The following SHISA6 variants were observed in gnomAD, a reference collection of about 807,000 sequenced individuals.
The protein encoded by SHISA6 is shisa family member 6.
SHISA6 carries 22 observed loss-of-function variants against 47.9 expected under a neutral mutation model. The ratio of observed to expected loss-of-function variants is 0.46; its 90% CI spans 0.33 to 0.66. The LOEUF (loss-of-function observed/expected upper bound fraction) is 0.66. Ranked by LOEUF, SHISA6 falls within the 30% of genes least tolerant of loss-of-function variation. The pLI, the probability that SHISA6 is intolerant of heterozygous loss-of-function variation, is 0.02. For missense variants in SHISA6, 680 were observed against 764.6 expected, an observed-to-expected ratio of 0.89 and a Z score of 1.30; for synonymous variants, 388 against 337.8, an observed-to-expected ratio of 1.15 and a Z score of -1.63.
chr17:11,526,297 T>G (rs1207067876), intron 3 of SHISA6, among the ~76,000 whole-genome samples: 5 of 152,184 alleles, frequency 3.3e-5, no homozygotes, highest in Non-Finnish European at 5.9e-5. Flanking sequence ...TCCTCTGTTT[T>G]GTAATAAACA....
chr17:11,380,547 C>T (rs1161736183), intron 3 of SHISA6: 1 of 152,168 alleles, frequency 6.6e-6, no homozygotes, highest in East Asian at 1.9e-4. Context: ...CACATTTACT[C>T]ACTAAAAGAT....
At chr17:11,411,483 G>A (rs553283202) in intron 3 of SHISA6, among the ~76,000 whole-genome samples, 19 of 151,964 alleles carry the variant, frequency 1.3e-4, no homozygotes, top group African/African-American at 2.7e-4. Context: ...TGCAACCTCC[G>A]CCTCCCAGGT....
intron 3 of SHISA6, among the ~76,000 whole-genome samples, chr17:11,395,428 A>G (rs1285591908): frequency 6.6e-6 from 1 of 151,082 alleles, no homozygotes; most frequent in Non-Finnish European, 1.5e-5. Context: ...ATATTCTGCT[A>G]CCTTACTGAT....
chr17:11,356,015 T>C (rs1316290455), intron 2 of SHISA6, among the ~76,000 whole-genome samples: 1 of 152,224 alleles, frequency 6.6e-6, no homozygotes, highest in Non-Finnish European at 1.5e-5. Flanking sequence ...GCAGAAAGAA[T>C]GGTCCAAATC....
chr17:11,274,108 C>T (rs954541802), intron 2 of SHISA6, among the ~76,000 whole-genome samples: 26 of 152,280 alleles, frequency 1.7e-4, no homozygotes, highest in African/African-American at 5.8e-4. Flanking sequence ...CTTAGGGCTT[C>T]GTCCTGCCTG....
At chr17:11,491,023 G>A (rs1916462422) in intron 3 of SHISA6, among the ~76,000 whole-genome samples, 1 of 152,196 alleles carries the variant, frequency 6.6e-6, no homozygotes, top group African/African-American at 2.4e-5. Flanking sequence ...AGGAGGAAAT[G>A]AGACCCTTCA....
chr17:11,319,066 C>A (rs914022277), intron 2 of SHISA6, among the ~76,000 whole-genome samples: 1 of 129,486 alleles, frequency 7.7e-6, no homozygotes, highest in African/African-American at 2.9e-5. Context: ...ACCTGTATTT[C>A]TTCTTATGTT....
chr17:11,279,199 C>T (rs1291132608), intron 2 of SHISA6, among the ~76,000 whole-genome samples: 2 of 152,230 alleles, frequency 1.3e-5, no homozygotes, highest in East Asian at 1.9e-4. Context: ...ACTTCAGCTC[C>T]AGGGCAACCA....
At chr17:11,346,050 A>C (rs947466203) in intron 2 of SHISA6, among the ~76,000 whole-genome samples, 12 of 152,120 alleles carry the variant, frequency 7.9e-5, no homozygotes, top group African/African-American at 2.9e-4. Flanking sequence ...GAAAGCATTC[A>C]GTTTTTTACC....
At chr17:11,556,131 G>C (rs1356690947) in intron 5 of SHISA6, among the ~76,000 whole-genome samples, 1 of 152,138 alleles carries the variant, frequency 6.6e-6, no homozygotes, top group Non-Finnish European at 1.5e-5. Flanking sequence ...ATCCCTATAG[G>C]AGACGGCCTT....
At chr17:11,517,931 T>G (rs999730180) in intron 3 of SHISA6, among the ~76,000 whole-genome samples, 4 of 152,086 alleles carry the variant, frequency 2.6e-5, no homozygotes, top group Admixed American at 2.6e-4. Flanking sequence ...CCTGAGATGC[T>G]GTGCCCTCTT....
At chr17:11,483,164 G>T (rs1478155089) in intron 3 of SHISA6, among the ~76,000 whole-genome samples, 1 of 152,038 alleles carries the variant, frequency 6.6e-6, no homozygotes, top group African/African-American at 2.4e-5. Context: ...AGCTGGGTGT[G>T]GTGGCACGTG....
Position 11,317,492 on chromosome 17 carries a change from A to G in SHISA6, c.799+53966A>G, listed in dbSNP as rs553905761. Among the ~76,000 whole-genome samples the G allele has an allele frequency of 3.3e-4, 36 of 110,470 alleles. No homozygotes were observed. In the East Asian group the frequency reaches 0.016, roughly 50 times the overall value. 72.5% of individuals were successfully genotyped at this position (110,470 alleles called of 152,430 possible). A position where few individuals can be genotyped will look rare whatever the true frequency, so the allele number is the denominator to read the frequency against. ...TTTTCTGTATCATTTTGTTTATAGA[A>G]TATATATACATAAATACACATATGT... is the stretch of plus-strand genomic sequence containing the variant. On this transcript the variant is annotated intron_variant, in intron 2 of 5. Coordinates refer to ENST00000441885, the MANE Select transcript of SHISA6 (RefSeq NM_207386.4).
Position 11,509,995 on chromosome 17 carries a change from G to T in SHISA6, c.896-41901G>T, listed in dbSNP as rs186638254. ...AGAGGTAAGAAGGCAAACCTGCAAG[G>T]AGCTAAAGGCACCTAAGGGAAAACC... On this transcript the variant is annotated intron_variant, in intron 3 of 5. Transcript: ENST00000441885. 2.4e-4 allele frequency among the ~76,000 whole-genome samples: 37 copies of T among 152,188 alleles called. 1 individual carries two copies. The highest frequency in any genetic ancestry group is 2.2e-3 in the Admixed American group (34 of 15,276).
intron 3 of SHISA6, among the ~76,000 whole-genome samples, chr17:11,542,740 TGTA>T (rs2071844563): frequency 6.6e-6 from 1 of 152,184 alleles, no homozygotes; most frequent in African/African-American, 2.4e-5. Flanking sequence ...CTTGCCTAAG[TGTA>T]AGCTCAGTGC....
At chr17:11,278,828 G>C (rs954751900) in intron 2 of SHISA6, among the ~76,000 whole-genome samples, 3 of 152,178 alleles carry the variant, frequency 2.0e-5, no homozygotes, top group Non-Finnish European at 4.4e-5. Context: ...TTTAATACAC[G>C]TGGCGTTTCT....
chr17:11,377,995 C>T (rs1322763440), intron 2 of SHISA6, among the ~76,000 whole-genome samples: 2 of 152,148 alleles, frequency 1.3e-5, no homozygotes, highest in Non-Finnish European at 2.9e-5. Context: ...CCGGTCAACC[C>T]GTCGTCTAGG....
chr17:11,277,036 G>C (rs1908926686), intron 2 of SHISA6, among the ~76,000 whole-genome samples: 1 of 152,162 alleles, frequency 6.6e-6, no homozygotes, highest in South Asian at 2.1e-4. Context: ...CTTTTGGCCA[G>C]ACCAAACAGT....
At chr17:11,359,784 G>A (rs974181785) in intron 2 of SHISA6, among the ~76,000 whole-genome samples, 1 of 152,134 alleles carries the variant, frequency 6.6e-6, no homozygotes, top group East Asian at 1.9e-4. Flanking sequence ...GTGGGAGAGG[G>A]TCATGTGATA....
Sources: gnomAD v4.1 joint callset for allele counts (sites outside exome capture counted in the v4.1 genomes callset) on GRCh38, gnomAD v4.1.1 for gene constraint, MANE v1.5 for transcripts, NCBI Gene and HGNC (gene_info 2026-07-23, HGNC 2026-07-21) for gene names.